The following MPP7 variants were observed in gnomAD, a reference collection of about 807,000 sequenced individuals.
MPP7 encodes the protein MAGUK p55 scaffold protein 7, also known as MAGUK p55 subfamily member 7.
In MPP7, 60 loss-of-function variants were observed where a neutral mutation model predicts 76.5. The observed-to-expected ratio is 0.78, with a 90% confidence interval of 0.64 to 0.97. The LOEUF (loss-of-function observed/expected upper bound fraction) is 0.97. Ranked by LOEUF, MPP7 falls within the 50% of genes least tolerant of loss-of-function variation. The pLI is 0.00. For synonymous variants in MPP7, 237 were observed against 244.5 expected, an observed-to-expected ratio of 0.97 and a Z score of 0.29; for missense variants, 641 against 694.0, an observed-to-expected ratio of 0.92 and a Z score of 0.86.
At chr10:28,242,604 T>C (rs981868465) in intron 1 of MPP7, among the ~76,000 whole-genome samples, 3 of 152,226 alleles carry the variant, frequency 2.0e-5, no homozygotes, top group African/African-American at 7.2e-5. Context: ...TCCAGGACCC[T>C]TCCAGAGGGG....
intron 6 of MPP7, among the ~76,000 whole-genome samples, chr10:28,127,375 C>T (rs1564646004): frequency 6.6e-6 from 1 of 152,202 alleles, no homozygotes; most frequent in Non-Finnish European, 1.5e-5. Flanking sequence ...TAATTACATA[C>T]ATTATACAGT....
Position 28,059,722 on chromosome 10 carries a change from C to T in MPP7, c.1226G>A (p.Ser409Asn). Reference protein sequence around the residue: ...TVPHTTRARRSQESDGVEYIF... With the variant: ...TVPHTTRARRNQESDGVEYIF... ...GTATTCAACACCATCACTCTCCTGGCTTCTTCTTGCTCTGGTGGTATCTAT... is the reference window on the plus strand; with the variant it reads ...GTATTCAACACCATCACTCTCCTGGTTTCTTCTTGCTCTGGTGGTATCTAT... The change falls in exon 14 of 17, where the codon AGC becomes AAC. Residue 409 changes from serine to asparagine, a missense_variant. By Grantham distance (46) the Ser-to-Asn change is conservative. Coordinates refer to ENST00000683449, the MANE Select transcript of MPP7 (RefSeq NM_001318170.2). 6.2e-7 allele frequency: 1 copy of T among 1,613,070 alleles called. No individual in the cohort carries two copies. Among genetic ancestry groups the T allele is most frequent in the Non-Finnish European group, 8.5e-7 (1 of 1,179,318 alleles).
At chr10:28,198,693 T>TA (rs962226512) in intron 3 of MPP7, among the ~76,000 whole-genome samples, 49 of 150,434 alleles carry the variant, frequency 3.3e-4, no homozygotes, top group African/African-American at 1.0e-3. Context: ...GAAACATAAC[T>TA]AAAAAAAATA....
chr10:28,058,281 C>T (rs1220586664), intron 15 of MPP7, among the ~76,000 whole-genome samples: 2 of 152,206 alleles, frequency 1.3e-5, no homozygotes, highest in Admixed American at 6.5e-5. Context: ...GGTCTTGGAG[C>T]TTCCTCCACT....
intron 2 of MPP7, among the ~76,000 whole-genome samples, chr10:28,206,123 C>T (rs1199845817): frequency 6.6e-6 from 1 of 152,146 alleles, no homozygotes; most frequent in African/African-American, 2.4e-5. Context: ...TCTGTTATAG[C>T]AGTACAAAAC....
intron 1 of MPP7, among the ~76,000 whole-genome samples, chr10:28,283,078 C>T (rs916410661): frequency 6.6e-6 from 1 of 151,976 alleles, no homozygotes; most frequent in African/African-American, 2.4e-5. Context: ...CCAGTCTTCT[C>T]CTGGGAAGAG....
chr10:28,289,689 C>A (rs1418534915), intron 1 of MPP7, among the ~76,000 whole-genome samples: 3 of 152,168 alleles, frequency 2.0e-5, no homozygotes, highest in Non-Finnish European at 4.4e-5. Context: ...TCCACCCGAA[C>A]CCACTCTGGG....
At chr10:28,318,645 A>C (rs1044548624) in intron 2 of MPP7, among the ~76,000 whole-genome samples, 12 of 152,192 alleles carry the variant, frequency 7.9e-5, no homozygotes, top group Non-Finnish European at 1.8e-4. Flanking sequence ...AGATCATGCC[A>C]CTGCACTCCA....
chr10:28,237,277 G>A (rs1416907536), intron 2 of MPP7, among the ~76,000 whole-genome samples: 1 of 152,034 alleles, frequency 6.6e-6, no homozygotes, highest in African/African-American at 2.4e-5. Context: ...AAGCACTATG[G>A]AAAGTTAAAT....
intron 13 of MPP7, among the ~76,000 whole-genome samples, chr10:28,065,996 G>A (rs1293796461): frequency 1.3e-5 from 2 of 152,106 alleles, no homozygotes; most frequent in East Asian, 1.9e-4. Flanking sequence ...TTGACTGGTT[G>A]TATTAATAGT....
intron 2 of MPP7, among the ~76,000 whole-genome samples, chr10:28,213,808 A>AG (rs2134030509): frequency 5.0e-5 from 7 of 139,790 alleles, no homozygotes; most frequent in East Asian, 2.0e-4. Flanking sequence ...AAAAAAAAAA[A>AG]AAGAGAGAGA....
chr10:28,325,284 G>A (rs1021814813), intron 2 of MPP7, among the ~76,000 whole-genome samples: 2 of 152,108 alleles, frequency 1.3e-5, no homozygotes, highest in African/African-American at 4.8e-5. Flanking sequence ...TTTGAAAGTA[G>A]TATTGTAATA....
At chr10:28,291,513 G>A (rs533144053) in intron 1 of MPP7, among the ~76,000 whole-genome samples, 25 of 152,232 alleles carry the variant, frequency 1.6e-4, no homozygotes, top group African/African-American at 4.6e-4. Context: ...TCTGAGGCAC[G>A]AGAATCCCTT....
chr10:28,331,762 A>C (rs1834472594), intron 1 of MPP7, among the ~76,000 whole-genome samples: 1 of 152,076 alleles, frequency 6.6e-6, no homozygotes, highest in African/African-American at 2.4e-5. Context: ...TTTAGTAAAG[A>C]TGAGATTTCA....
At position 28,054,028 on chromosome 10, in the gene MPP7, C is replaced by T. The variant is rs372516984; in HGVS notation, c.*37G>A. 65 of 1,521,480 alleles carry T rather than the reference C, an allele frequency of 4.3e-5. No individual in the cohort carries two copies. Among genetic ancestry groups the T allele is most frequent in the Non-Finnish European group, 5.7e-5 (63 of 1,101,428 alleles). The allele number at this position is 1,521,480 out of a possible 1,614,324, so 94.2% of individuals were successfully genotyped here. On this transcript the variant is annotated 3_prime_UTR_variant, in exon 17 of 17. Transcript: ENST00000683449. ...AAACTGTAATTGATTTCATCATGCA[C>T]TCTATAGAAAAAGACAATTATGGAA...
chr10:28,123,895 AAC>A, intron 8 of MPP7, 134 bp downstream of exon 8: 1 of 624,250 alleles, frequency 1.6e-6, no homozygotes, highest in South Asian at 1.9e-5. Context: ...ATTTTCCAAG[AAC>A]ACACAGGGAT....
intron 1 of MPP7, among the ~76,000 whole-genome samples, chr10:28,281,531 G>A (rs1180468508): frequency 6.6e-6 from 1 of 152,100 alleles, no homozygotes; most frequent in Non-Finnish European, 1.5e-5. Flanking sequence ...TGAGTAGGAA[G>A]AGATGACAAT....
At chr10:28,188,798 A>G (rs1837314849) in intron 3 of MPP7, among the ~76,000 whole-genome samples, 1 of 152,118 alleles carries the variant, frequency 6.6e-6, no homozygotes, top group East Asian at 1.9e-4. Flanking sequence ...GCAAAAAGAG[A>G]GTGGACTGAA....
chr10:28,270,532 A>AAGGGGGGG (rs1304530937), intron 1 of MPP7, among the ~76,000 whole-genome samples: 3 of 15,504 alleles, frequency 1.9e-4, no homozygotes, highest in African/African-American at 2.8e-4. Context: ...AAAAAAAAAA[A>AAGGGGGGG]GGGGGGGGGG....
Sources: gnomAD v4.1 joint callset for allele counts (sites outside exome capture counted in the v4.1 genomes callset) on GRCh38, gnomAD v4.1.1 for gene constraint, MANE v1.5 for transcripts, NCBI Gene and HGNC (gene_info 2026-07-23, HGNC 2026-07-21) for gene names.